Variants in TASOR2 observed in about 807,000 individuals in gnomAD.
TASOR2 encodes the protein protein TASOR 2.
Under a neutral mutation model 199.5 loss-of-function variants are expected in TASOR2, and 84 were observed. That is an observed-to-expected ratio of 0.42 (90% CI 0.35 to 0.50). The LOEUF (loss-of-function observed/expected upper bound fraction) is 0.50, where lower values mean the gene tolerates loss of function less well. TASOR2 is among the 20% of genes least tolerant of loss of function. The pLI is 0.02. For synonymous variants in TASOR2, 1,103 were observed against 1,046.6 expected, an observed-to-expected ratio of 1.05 and a Z score of -1.04; for missense variants, 2,796 against 2,835.9, an observed-to-expected ratio of 0.99 and a Z score of 0.32.
Position 5,709,453 on chromosome 10 carries a change from C to T in TASOR2, c.-287-3370C>T, listed in dbSNP as rs148850955. On this transcript the variant is annotated intron_variant, in intron 1 of 20. Coordinates refer to ENST00000328090, the Ensembl canonical transcript of TASOR2. ...ATTATTCCTAATACAAATTACTCAG[C>T]GAACATTTGTTTCTATAGTAAATAT... The T allele has an allele frequency of 5.7e-4, 540 of 950,706 alleles. 3 individuals carry two copies. The African/African-American group carries it at 7.8e-3, about 14-fold the overall frequency. 58.9% of individuals were successfully genotyped at this position (950,706 alleles called of 1,614,324 possible). A position where few individuals can be genotyped will look rare whatever the true frequency, so the allele number is the denominator to read the frequency against.
At chr10:5,723,573 T>C in intron 6 of TASOR2, 104 bp from the exon 8 acceptor site, 1 of 612,542 alleles carries the variant, frequency 1.6e-6, no homozygotes, top group Non-Finnish European at 2.7e-6. Context: ...AAGGTCTTTT[T>C]TGTGGTTATA....
chr10:5,742,352 T>G lies in TASOR2; in HGVS notation c.2583T>G (p.Ala861=), dbSNP rs764723348. The change falls in exon 14 of 21, where the codon GCT becomes GCG. Residue 861 remains alanine, a synonymous_variant. Transcript: ENST00000328090. This position sits in a 1 kb window ranked among gnomAD's most constrained non-coding sequence, Gnocchi z 4.2. ...TGGAGACTAACGAAATTTCCAGGGC[T>G]CATGCTGCTGAAGTATCCTTCCGTG... 1 of 1,614,178 alleles carries G rather than the reference T, an allele frequency of 6.2e-7. No homozygotes were observed. Among genetic ancestry groups the G allele is most frequent in the South Asian group, 1.1e-5 (1 of 91,084 alleles).
intron 8 of TASOR2, among the ~76,000 whole-genome samples, chr10:5,725,627 T>C (rs1833959195): frequency 6.6e-6 from 1 of 151,960 alleles, no homozygotes; most frequent in South Asian, 2.1e-4. Flanking sequence ...CTTTTTTTTT[T>C]TAAACTAGCC....
intron 1 of TASOR2, among the ~76,000 whole-genome samples, chr10:5,702,880 G>A (rs1838073963): frequency 6.6e-6 from 1 of 152,016 alleles, no homozygotes; most frequent in African/African-American, 2.4e-5. Flanking sequence ...ATTTCAACTG[G>A]CAAAAGATCA....
Position 5,757,928 on chromosome 10 carries a change from A to C in TASOR2, c.6886+255A>C, listed in dbSNP as rs151221291. ...TCCCTCCCTCTCGGTAGTGCAGCTA[A>C]GCTCCTAGTAACACAAATTCAGGAT... is the stretch of plus-strand genomic sequence containing the variant. On this transcript the variant is annotated intron_variant, in intron 17 of 20. Transcript: ENST00000328090. Among the ~76,000 whole-genome samples, 928 of 152,156 alleles carry C rather than the reference A, an allele frequency of 6.1e-3. 16 individuals carry two copies. Among genetic ancestry groups the C allele is most frequent in the South Asian group, 0.045 (216 of 4,798 alleles).
At position 5,750,899 on chromosome 10, in the gene TASOR2, G is replaced by T. The variant is rs761537745; in HGVS notation, c.6606+872G>T. ...TCTAGGATCATAGGTGTCTAGAATT[G>T]TCATGTCTTCAGTCTGCAATAGTTC... On this transcript the variant is annotated intron_variant, in intron 15 of 20. Coordinates refer to ENST00000328090, the Ensembl canonical transcript of TASOR2. The surrounding 1 kb of genome is among the most constrained non-coding windows in gnomAD (Gnocchi z 5.4). Among the ~76,000 whole-genome samples, 13 of 152,142 alleles carry T rather than the reference G, an allele frequency of 8.5e-5. No individual in the cohort carries two copies. The highest frequency in any genetic ancestry group is 1.0e-4 in the Non-Finnish European group (7 of 68,034).
exon 7 of TASOR2, chr10:5,723,735 C>T: frequency 6.3e-7 from 1 of 1,599,502 alleles, no homozygotes; most frequent in African/African-American, 1.3e-5. Context: ...AAAAAGACTA[C>T]CAGAGGCTGC....
At chr10:5,753,432 G>A (rs1328311425) in intron 15 of TASOR2, among the ~76,000 whole-genome samples, 5 of 152,088 alleles carry the variant, frequency 3.3e-5, no homozygotes, top group Admixed American at 3.3e-4. Context: ...GCGCGATCTC[G>A]GCTCACTGCA....
Position 5,750,016 on chromosome 10 carries a change from G to A in TASOR2, c.6595G>A (p.Val2199Ile), listed in dbSNP as rs200227576. 701 of 1,596,448 alleles carry A rather than the reference G, an allele frequency of 4.4e-4. 1 individual carries two copies. The highest frequency in any genetic ancestry group is 3.4e-4 in the Non-Finnish European group (400 of 1,171,082). Residue 2199 changes from valine (V) to isoleucine (I), a missense_variant, in exon 15 of 21, where the codon GTA becomes ATA. Val to Ile is a conservative substitution (Grantham distance 29). Around this residue, in one of 3 missense-constraint regions of TASOR2, gnomAD observed 1,941 missense variants for 1,924.9 expected, o/e 1.01. Coordinates refer to ENST00000328090, the Ensembl canonical transcript of TASOR2. The surrounding 1 kb of genome is among the most constrained non-coding windows in gnomAD (Gnocchi z 5.4). ...CGAAACAGAAGACAAATCATTCTTT[G>A]TAAGAACAAAGGTAAAGTGCCAGCC...
intron 1 of TASOR2, among the ~76,000 whole-genome samples, chr10:5,702,566 A>G (rs1212161635): frequency 6.6e-6 from 1 of 151,410 alleles, no homozygotes; most frequent in East Asian, 1.9e-4. Context: ...CAGTGAAGCT[A>G]TAAGGTCTTG....
intron 6 of TASOR2, 104 bp from the exon 8 acceptor site, chr10:5,723,573 T>A: frequency 1.6e-6 from 1 of 612,542 alleles, no homozygotes; most frequent in Non-Finnish European, 2.7e-6. Flanking sequence ...AAGGTCTTTT[T>A]TGTGGTTATA....
At chr10:5,727,346 G>A (rs1834177674) in intron 10 of TASOR2, among the ~76,000 whole-genome samples, 1 of 152,132 alleles carries the variant, frequency 6.6e-6, no homozygotes, top group South Asian at 2.1e-4. Context: ...TTGCCACTGA[G>A]ATATCTCAAA....
At chr10:5,746,536 G>A (rs376411934) in exon 15 of TASOR2, 2 of 1,614,012 alleles carry the variant, frequency 1.2e-6, no homozygotes, top group African/African-American at 2.7e-5. Flanking sequence ...GGAAAGAAAG[G>A]ATGATAATAT....
rs1023251188 is a variant in TASOR2, at chr10:5,689,210, T to A, written c.-288+4035T>A. 1.3e-5 allele frequency among the ~76,000 whole-genome samples: 2 copies of A among 152,230 alleles called. No individual in the cohort carries two copies. The highest frequency in any genetic ancestry group is 1.3e-4 in the Admixed American group (2 of 15,284). On this transcript the variant is annotated intron_variant, in intron 1 of 20. Coordinates refer to ENST00000328090, the Ensembl canonical transcript of TASOR2. This position sits in a 1 kb window ranked among gnomAD's most constrained non-coding sequence, Gnocchi z 4.1. ...GGCTTTCATTATTGCTATTGAAAAG[T>A]CACCTATCAGTCTATCAATTCATTT...
chr10:5,714,405 A>G (rs1041269222), intron 2 of TASOR2, 198 bp downstream of exon 3: 8 of 370,692 alleles, frequency 2.2e-5, no homozygotes, highest in East Asian at 4.0e-5. Flanking sequence ...TTCAGTGTCA[A>G]GAGATTGGTA....
At position 5,701,917 on chromosome 10, in the gene TASOR2, ACTT is replaced by A. The variant is rs962368082; in HGVS notation, c.-287-10899_-287-10897del. Among the ~76,000 whole-genome samples, 2 of 83,822 alleles carry A rather than the reference ACTT, an allele frequency of 2.4e-5. No individual in the cohort carries two copies. The highest frequency in any genetic ancestry group is 3.4e-4 in the East Asian group (1 of 2,970). 55.0% of individuals were successfully genotyped at this position (83,822 alleles called of 152,430 possible). On this transcript the variant is annotated intron_variant, in intron 1 of 20. Coordinates refer to ENST00000328090, the Ensembl canonical transcript of TASOR2. This position sits in a 1 kb window ranked among gnomAD's most constrained non-coding sequence, Gnocchi z 4.9. ...CGTTATCTGTGAACAGGCTTATTTG[ACTT>A]CTTCTTTTCTGATTTGGATGCCCTC...
chr10:5,693,743 A>G (rs1836784483), intron 1 of TASOR2, among the ~76,000 whole-genome samples: 1 of 152,232 alleles, frequency 6.6e-6, no homozygotes, highest in African/African-American at 2.4e-5. Context: ...ATGTTTATTT[A>G]AAATTTCAGA....
At position 5,730,134 on chromosome 10, in the gene TASOR2, G is replaced by T. The variant is rs899450203; in HGVS notation, c.488-353G>T. ...TAAGAAAAAGTACGAAAGCAAATCT[G>T]CCAGCTCTAAAGACCAGTGGTACTG... On this transcript the variant is annotated intron_variant, in intron 10 of 20. Transcript: ENST00000328090. The surrounding 1 kb of genome is among the most constrained non-coding windows in gnomAD (Gnocchi z 4.1). Among the ~76,000 whole-genome samples the T allele has an allele frequency of 7.2e-5, 11 of 152,198 alleles. No homozygotes were observed. Among genetic ancestry groups the T allele is most frequent in the Non-Finnish European group, 1.5e-5 (1 of 68,036 alleles).
chr10:5,694,422 A>C (rs765120944), intron 1 of TASOR2, among the ~76,000 whole-genome samples: 1 of 152,230 alleles, frequency 6.6e-6, no homozygotes, highest in African/African-American at 2.4e-5. Flanking sequence ...CTGGCATACA[A>C]CAATGAAAAG....
Sources: gnomAD v4.1 joint callset for allele counts (sites outside exome capture counted in the v4.1 genomes callset) on GRCh38, gnomAD v4.1.1 for gene constraint, gnomAD v4.1.1 regional missense constraint, Gnocchi (gnomAD v3.1) non-coding constraint, MANE v1.5 for transcripts, NCBI Gene and HGNC (gene_info 2026-07-23, HGNC 2026-07-21) for gene names.